Variants in LIN7C observed in about 807,000 individuals in gnomAD.
LIN7C encodes lin-7 cell polarity scaffold C.
Under a neutral mutation model 24.7 loss-of-function variants are expected in LIN7C, and 17 were observed. That is an observed-to-expected ratio of 0.69 (90% CI 0.47 to 1.03). LIN7C has a LOEUF of 1.03. LIN7C is among the 50% of genes least tolerant of loss of function. The pLI, the probability that LIN7C is intolerant of heterozygous loss-of-function variation, is 0.00. For missense variants in LIN7C, 204 were observed against 239.0 expected, an observed-to-expected ratio of 0.85 and a Z score of 0.97; for synonymous variants, 90 against 83.4, an observed-to-expected ratio of 1.08 and a Z score of -0.43.
rs528221000 is a variant in LIN7C at position 27,498,524 on chromosome 11, A to G, written c.*125T>C. On this transcript the variant is annotated 3_prime_UTR_variant, in exon 5 of 5. Transcript: ENST00000278193. ...TGTTAAAATAGGCATTTATAAAATG[A>G]CAAGGAGAATTTCATGATAAATTTG... The G allele has an allele frequency of 6.9e-5, 61 of 886,584 alleles. No individual in the cohort carries two copies. In the African/African-American group the frequency reaches 8.6e-4, roughly 13 times the overall value. 54.9% of individuals were successfully genotyped at this position (886,584 alleles called of 1,614,324 possible). A position where few individuals can be genotyped will look rare whatever the true frequency, so the allele number is the denominator to read the frequency against.
intron 3 of LIN7C, among the ~76,000 whole-genome samples, chr11:27,500,968 T>C (rs1865219009): frequency 6.6e-6 from 1 of 152,158 alleles, no homozygotes; most frequent in South Asian, 2.1e-4. Context: ...CCCCCTATCA[T>C]GAATAGTGAG....
chr11:27,494,448 C>T lies in LIN7C; in HGVS notation c.*4201G>A, dbSNP rs933136226. ...TCTTTAAATTTTATGAAAGACAAAG[C>T]AAAATATAGAAATTCAAAGTTTCAT... is the stretch of plus-strand genomic sequence containing the variant. On this transcript the variant is annotated 3_prime_UTR_variant, in exon 5 of 5. Coordinates refer to ENST00000278193, the MANE Select transcript of LIN7C (RefSeq NM_018362.4). 6.6e-6 allele frequency: 1 copy of T among 152,128 alleles called. No homozygotes were observed. Among genetic ancestry groups the T allele is most frequent in the African/African-American group, 2.4e-5 (1 of 41,434 alleles). The allele number at this position is 152,128 out of a possible 1,614,324, so 9.4% of individuals were successfully genotyped here.
chr11:27,505,768 T>C (rs1419308097), intron 1 of LIN7C, among the ~76,000 whole-genome samples: 1 of 152,252 alleles, frequency 6.6e-6, no homozygotes, highest in Admixed American at 6.5e-5. Context: ...ATCCTACATA[T>C]ACATTTTTTT....
Position 27,500,967 on chromosome 11 carries a change from A to G in LIN7C, c.228+528T>C, listed in dbSNP as rs567166393. On this transcript the variant is annotated intron_variant, in intron 3 of 4. Coordinates refer to ENST00000278193, the MANE Select transcript of LIN7C (RefSeq NM_018362.4). ...TATTACCCTGTTCAAACCCCCTATC[A>G]TGAATAGTGAGGTCAATACCTAAAT... Among the ~76,000 whole-genome samples the G allele has an allele frequency of 3.8e-4, 58 of 152,288 alleles. No homozygotes were observed. In the South Asian group the frequency reaches 5.8e-3, roughly 15 times the overall value.
chr11:27,503,470 C>T (rs1392167315), intron 1 of LIN7C, among the ~76,000 whole-genome samples: 2 of 152,134 alleles, frequency 1.3e-5, no homozygotes. Flanking sequence ...TGGCCTTCTT[C>T]GTGTTTGCAG....
At chr11:27,505,732 A>G (rs1269491412) in intron 1 of LIN7C, among the ~76,000 whole-genome samples, 2 of 152,356 alleles carry the variant, frequency 1.3e-5, no homozygotes, top group Admixed American at 6.5e-5. Context: ...GCAAATGTTA[A>G]TATGTGCAAT....
intron 1 of LIN7C, among the ~76,000 whole-genome samples, chr11:27,505,739 C>T (rs1365562635): frequency 6.6e-6 from 1 of 152,164 alleles, no homozygotes; most frequent in Non-Finnish European, 1.5e-5. Context: ...TTAATATGTG[C>T]AATATAATTT....
At chr11:27,506,448 G>A (rs1382200811) in intron 1 of LIN7C, among the ~76,000 whole-genome samples, 1 of 152,230 alleles carries the variant, frequency 6.6e-6, no homozygotes, top group Non-Finnish European at 1.5e-5. Context: ...CGCGTGTGCG[G>A]CGTGTGTCTG....
At chr11:27,502,446 G>A (rs1024530146) in intron 1 of LIN7C, among the ~76,000 whole-genome samples, 3 of 152,130 alleles carry the variant, frequency 2.0e-5, no homozygotes, top group Admixed American at 6.6e-5. Flanking sequence ...AGCAGATGCA[G>A]TTAGTGGCAG....
chr11:27,505,336 C>T lies in LIN7C; in HGVS notation c.37+1380G>A, dbSNP rs904207936. Reference sequence around the variant, plus strand: ...GACAGAGCAAGACTACGTCTCCAAACAGCAACAACAAAAACACAAAAGACC... The same window carrying T: ...GACAGAGCAAGACTACGTCTCCAAATAGCAACAACAAAAACACAAAAGACC... On this transcript the variant is annotated intron_variant, in intron 1 of 4. Transcript: ENST00000278193. Among the ~76,000 whole-genome samples, 18 of 152,092 alleles carry T rather than the reference C, an allele frequency of 1.2e-4. 1 individual carries two copies. Among genetic ancestry groups the T allele is most frequent in the Admixed American group, 1.2e-3 (18 of 15,258 alleles).
In LIN7C at chr11:27,495,583, C is replaced by G. The variant is rs1225873647; in HGVS notation, c.*3066G>C. 1 of 151,730 alleles carries G rather than the reference C, an allele frequency of 6.6e-6. No homozygotes were observed. Among genetic ancestry groups the G allele is most frequent in the Non-Finnish European group, 1.5e-5 (1 of 67,972 alleles). The allele number at this position is 151,730 out of a possible 1,614,324, so 9.4% of individuals were successfully genotyped here. A position where few individuals can be genotyped will look rare whatever the true frequency, so the allele number is the denominator to read the frequency against. ...AACAAATGAAGTGCCCACATTAAGA[C>G]AGTACATAATTATTAACGACAATAT... On this transcript the variant is annotated 3_prime_UTR_variant, in exon 5 of 5. Coordinates refer to ENST00000278193, the MANE Select transcript of LIN7C (RefSeq NM_018362.4).
chr11:27,501,766 C>T (rs759947909), intron 2 of LIN7C, 36 bp downstream of exon 2: 2 of 1,374,888 alleles, frequency 1.5e-6, no homozygotes, highest in South Asian at 2.5e-5. Context: ...ACCTAATTAA[C>T]TCAAATTTTT....
In LIN7C at chr11:27,496,996, C is replaced by T. The variant is rs1006087540; in HGVS notation, c.*1653G>A. 6 of 152,554 alleles carry T rather than the reference C, an allele frequency of 3.9e-5. No homozygotes were observed. The highest frequency in any genetic ancestry group is 1.4e-4 in the African/African-American group (6 of 41,438). 9.5% of individuals were successfully genotyped at this position (152,554 alleles called of 1,614,324 possible). On this transcript the variant is annotated 3_prime_UTR_variant, in exon 5 of 5. Coordinates refer to ENST00000278193, the MANE Select transcript of LIN7C (RefSeq NM_018362.4). ...TACTTCTATACTACTTTGGTCTCAA[C>T]ATTTTTAAAACATCAATTAATTTTG...
intron 3 of LIN7C, 148 bp from the exon 4 acceptor site, chr11:27,499,716 G>T: frequency 1.5e-6 from 1 of 684,028 alleles, no homozygotes; most frequent in Non-Finnish European, 2.4e-6. Flanking sequence ...TCCACCTCCT[G>T]GCTTCACGCC....
Position 27,496,590 on chromosome 11 carries a change from GCTA to G in LIN7C, c.*2056_*2058del, listed in dbSNP as rs1338553878. 1 of 152,132 alleles carries G rather than the reference GCTA, an allele frequency of 6.6e-6. No individual in the cohort carries two copies. Among genetic ancestry groups the G allele is most frequent in the Non-Finnish European group, 1.5e-5 (1 of 68,016 alleles). 9.4% of individuals were successfully genotyped at this position (152,132 alleles called of 1,614,324 possible). A position where few individuals can be genotyped will look rare whatever the true frequency, so the allele number is the denominator to read the frequency against. ...AAACTACTGTACTTGGCTCCTTTGA[GCTA>G]CCCTTATTTTAAGAATTATAAATAG... On this transcript the variant is annotated 3_prime_UTR_variant, in exon 5 of 5. Transcript: ENST00000278193.
At position 27,506,766 on chromosome 11, in the gene LIN7C, C is replaced by A; in HGVS notation, c.-14G>T. The A allele has an allele frequency of 1.9e-6, 3 of 1,614,068 alleles. No homozygotes were observed. The highest frequency in any genetic ancestry group is 2.5e-6 in the Non-Finnish European group (3 of 1,179,954). On this transcript the variant is annotated 5_prime_UTR_variant, in exon 1 of 5. It adds an upstream start codon to the 5' untranslated region. Coordinates refer to ENST00000278193, the MANE Select transcript of LIN7C (RefSeq NM_018362.4). ...TAGCGCCGCCATCTTCTCCCTTAAC[C>A]TACAGACCCACAGGAAATGACGACA... is the stretch of plus-strand genomic sequence containing the variant.
chr11:27,495,665 A>C lies in LIN7C; in HGVS notation c.*2984T>G, dbSNP rs944485128. 1.3e-5 allele frequency: 2 copies of C among 152,176 alleles called. No homozygotes were observed. The highest frequency in any genetic ancestry group is 4.2e-4 in the South Asian group (2 of 4,810). 9.4% of individuals were successfully genotyped at this position (152,176 alleles called of 1,614,324 possible). On this transcript the variant is annotated 3_prime_UTR_variant, in exon 5 of 5. Transcript: ENST00000278193. Reference sequence around the variant, plus strand: ...CAAATAACAAACACGTATTTTTGTAAGTTTTAAAGGCAAAGGGGGCAGAAT... The same window carrying C: ...CAAATAACAAACACGTATTTTTGTACGTTTTAAAGGCAAAGGGGGCAGAAT...
intron 3 of LIN7C, among the ~76,000 whole-genome samples, chr11:27,500,676 T>A (rs1307857007): frequency 6.6e-6 from 1 of 151,726 alleles, no homozygotes; most frequent in Non-Finnish European, 1.5e-5. Flanking sequence ...AAATCAAGAT[T>A]TACTGAATAC....
intron 1 of LIN7C, among the ~76,000 whole-genome samples, chr11:27,503,822 T>C (rs1313315758): frequency 1.3e-5 from 2 of 151,284 alleles, no homozygotes; most frequent in African/African-American, 4.9e-5. Flanking sequence ...GAAAGATTAT[T>C]TATTTATTTA....
Sources: allele counts gnomAD v4.1 joint callset (sites outside exome capture counted in the v4.1 genomes callset), GRCh38; gene constraint gnomAD v4.1.1; transcripts MANE v1.5; gene names NCBI Gene and HGNC (gene_info 2026-07-23, HGNC 2026-07-21).